Variants in DST observed in about 807,000 individuals in gnomAD.
DST encodes the protein bullous pemphigoid antigen.
Under a neutral mutation model 875.2 loss-of-function variants are expected in DST, and 253 were observed. The observed-to-expected ratio is 0.29, with a 90% CI of 0.26 to 0.32. The LOEUF is 0.32. Among genes scored for constraint, DST ranks in the 10% least tolerant of loss-of-function variants. The pLI, the probability that DST is intolerant of heterozygous loss-of-function variation, is 1.00. For missense variants in DST, 8,287 were observed against 9,111.6 expected, an observed-to-expected ratio of 0.91 and a Z score of 3.68; for synonymous variants, 3,124 against 3,197.1, an observed-to-expected ratio of 0.98 and a Z score of 0.77.
chr6:56,635,788 C>A (rs2098818532), intron 23 of DST, 74 bp from the exon 24 acceptor site: 3 of 1,518,018 alleles, frequency 2.0e-6, no homozygotes, highest in Non-Finnish European at 1.8e-6. Context: ...CACTCCAATA[C>A]CAAGGTCCTA....
At chr6:56,480,619 T>C (rs2095369632) in intron 90 of DST, among the ~76,000 whole-genome samples, 1 of 152,202 alleles carries the variant, frequency 6.6e-6, no homozygotes, top group Admixed American at 6.5e-5. Flanking sequence ...GCAGAGGAGA[T>C]GGAAAAGAAT....
intron 4 of DST, among the ~76,000 whole-genome samples, chr6:56,788,228 A>T (rs1484169772): frequency 4.2e-5 from 6 of 141,254 alleles, no homozygotes; most frequent in Non-Finnish European, 7.6e-5. Flanking sequence ...TTTGAGACGG[A>T]GTCTTGCTCT....
rs2152567478 is a variant in DST, at chr6:56,562,100, A to G, written c.14068+38T>C. The stretch of plus-strand genomic sequence containing the variant: ...TTTTCTCTTATTAAAAAAACATCAA[A>G]TTACATTAATCAGTAACAAATTAAA... On this transcript the variant is annotated intron_variant, in intron 56 of 103. Coordinates refer to ENST00000680361, the MANE Select transcript of DST (RefSeq NM_001374736.1). The G allele has an allele frequency of 2.3e-6, 3 of 1,315,704 alleles. No individual in the cohort carries two copies. In the East Asian group the frequency reaches 7.9e-5, roughly 35 times the overall value. 81.5% of individuals were successfully genotyped at this position (1,315,704 alleles called of 1,614,324 possible).
At chr6:56,792,497 C>T (rs1278713791) in intron 4 of DST, among the ~76,000 whole-genome samples, 2 of 151,898 alleles carry the variant, frequency 1.3e-5, no homozygotes, top group Non-Finnish European at 1.5e-5. Flanking sequence ...GATAGGGTCT[C>T]ACTATGTTGC....
intron 55 of DST, among the ~76,000 whole-genome samples, chr6:56,565,604 C>G (rs1426478487): frequency 6.6e-6 from 1 of 152,180 alleles, no homozygotes; most frequent in Non-Finnish European, 1.5e-5. Context: ...TAGATGCCAG[C>G]TGGAGCTCTC....
chr6:56,647,688 G>GTTGTTTTTTTTTTTTTTT (rs1491402943), intron 13 of DST, among the ~76,000 whole-genome samples: 14 of 126,900 alleles, frequency 1.1e-4, no homozygotes, highest in African/African-American at 4.4e-4. Context: ...TTTTTGTAAT[G>GTTGTTTTTTTTTTTTTTT]TTTTTTTTTT....
chr6:56,610,303 C>T, intron 39 of DST, 124 bp downstream of exon 39: 1 of 700,622 alleles, frequency 1.4e-6, no homozygotes, highest in Non-Finnish European at 2.2e-6. Context: ...TAAATAAACT[C>T]AATCCCTATT....
rs1241524261 is a variant in DST at position 56,572,847 on chromosome 6, A to C, written c.13454T>G (p.Leu4485Arg). 6.2e-7 allele frequency: 1 copy of C among 1,612,830 alleles called. No individual in the cohort carries two copies. Among genetic ancestry groups the C allele is most frequent in the Non-Finnish European group, 8.5e-7 (1 of 1,179,554 alleles). Residue 4485 changes from leucine to arginine, a missense_variant, in exon 52 of 104, where the codon CTC (leucine) becomes CGC (arginine). Coordinates refer to ENST00000680361, the MANE Select transcript of DST (RefSeq NM_001374736.1). ...LKTKVELFENLSEKLQTFLET... is the reference protein window; with the variant it reads ...LKTKVELFENRSEKLQTFLET... ...TAAAAATGTCTGGAGCTTTTCTGAG[A>C]GGTTCTCAAACAGTTCTACTTTGGT...
At chr6:56,866,088 G>T (rs1773923312) in intron 3 of DST, among the ~76,000 whole-genome samples, 1 of 152,012 alleles carries the variant, frequency 6.6e-6, no homozygotes, top group Non-Finnish European at 1.5e-5. Context: ...CTGCCTCCTG[G>T]GTTCAAGCAA....
At chr6:56,705,790 T>C (rs749620921) in intron 5 of DST, among the ~76,000 whole-genome samples, 24 of 152,206 alleles carry the variant, frequency 1.6e-4, no homozygotes, top group Non-Finnish European at 2.4e-4. Flanking sequence ...AAGTAACTGT[T>C]CATGTCAATA....
chr6:56,547,806 G>C (rs2097255233), intron 61 of DST, among the ~76,000 whole-genome samples: 1 of 152,078 alleles, frequency 6.6e-6, no homozygotes, highest in Admixed American at 6.5e-5. Flanking sequence ...ATGATGCCTG[G>C]GTTAAACAAT....
chr6:56,527,220 CTT>C (rs775885946), intron 68 of DST, among the ~76,000 whole-genome samples: 1 of 148,822 alleles, frequency 6.7e-6, no homozygotes. Flanking sequence ...GATCATTTTC[CTT>C]TTTTTTTTCT....
chr6:56,931,759 C>G (rs929679238), intron 2 of DST, among the ~76,000 whole-genome samples: 1 of 152,094 alleles, frequency 6.6e-6, no homozygotes, highest in Non-Finnish European at 1.5e-5. Flanking sequence ...CTTGCATGGG[C>G]CTTTGTAACC....
intron 4 of DST, 70 bp from the exon 5 acceptor site, chr6:56,735,359 A>G: frequency 1.1e-6 from 1 of 915,528 alleles, no homozygotes; most frequent in Non-Finnish European, 1.7e-6. Flanking sequence ...GTGATCATGA[A>G]TATAAACAAA....
At chr6:56,482,530 G>C in intron 89 of DST, 153 bp downstream of exon 89, 1 of 697,952 alleles carries the variant, frequency 1.4e-6, no homozygotes, top group Non-Finnish European at 2.2e-6. Flanking sequence ...GGGAGGGTGG[G>C]AGAAGGATCA....
Position 56,557,486 on chromosome 6 carries a change from T to C in DST, c.14473A>G (p.Ile4825Val), listed in dbSNP as rs965228028. The change falls in exon 59 of 104, where the codon ATT becomes GTT. Residue 4825 changes from isoleucine (I) to valine (V), a missense_variant. Transcript: ENST00000680361. ...TCTTCCAGTTTTTGTTGTCTATCAATTGTTAATTGATTGAGTTCTTGCCAC... is the reference window on the plus strand; with the variant it reads ...TCTTCCAGTTTTTGTTGTCTATCAACTGTTAATTGATTGAGTTCTTGCCAC... ...SKWQELNQLT[I>V]DRQQKLEESS... The C allele has an allele frequency of 6.8e-6, 11 of 1,613,290 alleles. No individual in the cohort carries two copies. The highest frequency in any genetic ancestry group is 5.3e-5 in the African/African-American group (4 of 74,926).
chr6:56,725,838 C>G (rs555257878), intron 5 of DST, among the ~76,000 whole-genome samples: 1 of 152,086 alleles, frequency 6.6e-6, no homozygotes, highest in Non-Finnish European at 1.5e-5. Context: ...GTTAAGAACT[C>G]TATACATATG....
Position 56,919,474 on chromosome 6 carries a change from G to A in DST, c.217-18853C>T, listed in dbSNP as rs1276408530. ...CTATCCTTTCTCCAATGAATTTATTGTATTCATTTTTTAATTTCCTAAATA... is the reference window on the plus strand; with the variant it reads ...CTATCCTTTCTCCAATGAATTTATTATATTCATTTTTTAATTTCCTAAATA... On this transcript the variant is annotated intron_variant, in intron 2 of 103. Coordinates refer to ENST00000680361, the MANE Select transcript of DST (RefSeq NM_001374736.1). Among the ~76,000 whole-genome samples the A allele has an allele frequency of 3.3e-5, 5 of 152,022 alleles. 1 individual carries two copies. Among genetic ancestry groups the A allele is most frequent in the Admixed American group, 3.3e-4 (5 of 15,252 alleles).
At chr6:56,777,566 A>G (rs2099681611) in intron 4 of DST, among the ~76,000 whole-genome samples, 1 of 152,052 alleles carries the variant, frequency 6.6e-6, no homozygotes, top group African/African-American at 2.4e-5. Flanking sequence ...TGGTCCAAAT[A>G]AACCCACTTT....
Sources: allele counts gnomAD v4.1 joint callset (sites outside exome capture counted in the v4.1 genomes callset), GRCh38; gene constraint gnomAD v4.1.1; transcripts MANE v1.5; gene names NCBI Gene and HGNC (gene_info 2026-07-23, HGNC 2026-07-21).